Variants in SLC6A7 observed in about 807,000 individuals in gnomAD.
SLC6A7 encodes solute carrier family 6 member 7.
A neutral mutation model predicts 73.1 loss-of-function variants in SLC6A7; 58 were observed. The observed-to-expected ratio is 0.79, with a 90% CI of 0.64 to 0.99. SLC6A7 has a LOEUF of 0.99. Among genes scored for constraint, SLC6A7 ranks in the 50% least tolerant of loss-of-function variants. The probability of loss-of-function intolerance (pLI) is 0.00; values close to 1 mark genes in which losing one functional copy is unlikely to be tolerated. For synonymous variants in SLC6A7, 338 were observed against 338.7 expected, an observed-to-expected ratio of 1.00 and a Z score of 0.02; for missense variants, 783 against 831.4, an observed-to-expected ratio of 0.94 and a Z score of 0.72.
chr5:150,209,648 G>A lies in SLC6A7; in HGVS notation c.*33G>A, dbSNP rs201747986. 2.9e-4 allele frequency: 445 copies of A among 1,510,174 alleles called. 1 individual carries two copies. Among genetic ancestry groups the A allele is most frequent in the African/African-American group, 1.6e-3 (117 of 72,804 alleles). 93.5% of individuals were successfully genotyped at this position (1,510,174 alleles called of 1,614,324 possible). On this transcript the variant is annotated 3_prime_UTR_variant, in exon 14 of 14. Transcript: ENST00000230671. ...GGCAGGCGGGCAGAAGGCCCTGCCC[G>A]GGACCTCACAGTCCCTTCTTAGAAG...
intron 6 of SLC6A7, among the ~76,000 whole-genome samples, 178 bp from the exon 7 acceptor site, chr5:150,202,169 G>A (rs886672382): frequency 3.3e-5 from 5 of 152,186 alleles, no homozygotes; most frequent in Admixed American, 6.5e-5. Flanking sequence ...ATGTCCCACC[G>A]TGTAAATGTT....
At chr5:150,191,776 T>C (rs1752799205) in intron 1 of SLC6A7, among the ~76,000 whole-genome samples, 1 of 152,066 alleles carries the variant, frequency 6.6e-6, no homozygotes, top group Non-Finnish European at 1.5e-5. Context: ...TTGAGACCAT[T>C]TGTGAGTCTC....
At chr5:150,208,187 T>C (rs1345759873) in intron 13 of SLC6A7, among the ~76,000 whole-genome samples, 1 of 151,762 alleles carries the variant, frequency 6.6e-6, no homozygotes, top group Non-Finnish European at 1.5e-5. Flanking sequence ...TAAAGGTAAG[T>C]TCTGCACTTA....
At position 150,203,691 on chromosome 5, in the gene SLC6A7, A is replaced by G. The variant is rs760018212; in HGVS notation, c.1112A>G (p.Tyr371Cys). ...KAGPGLAFVV[Y>C]PQAMTMLPLS... ...GGCCCTGGCCTGGCCTTTGTCGTCT[A>G]CCCACAGGCCATGACCATGCTGCCT... is the stretch of plus-strand genomic sequence containing the variant. The change falls in exon 9 of 14, where the codon TAC becomes TGC. Residue 371 changes from tyrosine (Y) to cysteine (C), a missense_variant. Transcript: ENST00000230671. The G allele has an allele frequency of 6.2e-7, 1 of 1,610,436 alleles. No individual in the cohort carries two copies. The highest frequency in any genetic ancestry group is 8.5e-7 in the Non-Finnish European group (1 of 1,176,872).
chr5:150,199,669 A>G (rs140538310), intron 5 of SLC6A7, among the ~76,000 whole-genome samples: 301 of 152,294 alleles, frequency 2.0e-3, no homozygotes, highest in African/African-American at 7.0e-3. Context: ...GAACACTTAG[A>G]GTGTGAGTGC....
chr5:150,191,026 A>G (rs1019328309), intron 1 of SLC6A7, among the ~76,000 whole-genome samples: 5 of 151,946 alleles, frequency 3.3e-5, no homozygotes, highest in Non-Finnish European at 7.4e-5. Context: ...GCCTTGTGGG[A>G]TTGGACCTCT....
chr5:150,192,677 G>T (rs958530373), intron 1 of SLC6A7, among the ~76,000 whole-genome samples: 1 of 152,290 alleles, frequency 6.6e-6, no homozygotes, highest in East Asian at 1.9e-4. Context: ...CTCTGATTGG[G>T]GGAGGAGGGG....
At chr5:150,195,563 T>C (rs1010594716) in intron 2 of SLC6A7, among the ~76,000 whole-genome samples, 47 of 152,148 alleles carry the variant, frequency 3.1e-4, no homozygotes, top group Non-Finnish European at 7.3e-5. Flanking sequence ...ATGGATACGA[T>C]GAGGTAGCTG....
chr5:150,193,485 AC>A (rs561450140), intron 1 of SLC6A7, among the ~76,000 whole-genome samples: 2 of 151,418 alleles, frequency 1.3e-5, no homozygotes, highest in Non-Finnish European at 2.9e-5. Flanking sequence ...GTGGGGTTTG[AC>A]CCCCCCAGCC....
At chr5:150,207,672 G>A (rs930674472) in intron 13 of SLC6A7, among the ~76,000 whole-genome samples, 2 of 152,164 alleles carry the variant, frequency 1.3e-5, no homozygotes, top group African/African-American at 4.8e-5. Flanking sequence ...AAATCCCAAC[G>A]CCACCACTTC....
At chr5:150,204,782 T>C in intron 11 of SLC6A7, 45 bp from the exon 12 acceptor site, 1 of 1,458,044 alleles carries the variant, frequency 6.9e-7, no homozygotes, top group East Asian at 2.3e-5. Context: ...CTGGCGTTTG[T>C]GGGGCCGGCG....
At chr5:150,201,343 T>C in intron 6 of SLC6A7, 120 bp downstream of exon 6, 1 of 513,738 alleles carries the variant, frequency 1.9e-6, no homozygotes, top group Non-Finnish European at 3.2e-6. Flanking sequence ...GCGTCTTTTT[T>C]ATTTATTATT....
intron 10 of SLC6A7, 75 bp downstream of exon 10, chr5:150,204,113 C>G: frequency 1.4e-6 from 2 of 1,456,248 alleles, no homozygotes; most frequent in Non-Finnish European, 1.9e-6. Context: ...TCTGGCCCAG[C>G]TGAGCAGTTG....
At chr5:150,200,942 G>A in intron 5 of SLC6A7, 147 bp from the exon 6 acceptor site, 1 of 725,302 alleles carries the variant, frequency 1.4e-6, no homozygotes, top group Non-Finnish European at 2.3e-6. Flanking sequence ...GGTGTGTGAA[G>A]GGAGGAGGGA....
rs1024804078 is a variant in SLC6A7, at chr5:150,197,149, C to T, written c.457C>T (p.Pro153Ser). 2.5e-6 allele frequency: 4 copies of T among 1,613,968 alleles called. No individual in the cohort carries two copies. The Admixed American group carries it at 5.0e-5, about 20-fold the overall frequency. ...CTTCGCCTCCCTCACCAGCGACCTA[C>T]CCTGGGAGCACTGTGGCAACTGGTG... Reference protein sequence around the residue: ...YLFASLTSDLPWEHCGNWWNT... With the variant: ...YLFASLTSDLSWEHCGNWWNT... Residue 153 changes from proline (P) to serine (S), a missense_variant, in exon 4 of 14, where the codon CCC (proline) becomes TCC (serine). By Grantham distance (74) the Pro-to-Ser change is moderately conservative. Coordinates refer to ENST00000230671, the MANE Select transcript of SLC6A7 (RefSeq NM_014228.5).
chr5:150,208,172 A>T (rs926654558), intron 13 of SLC6A7, among the ~76,000 whole-genome samples: 1 of 150,862 alleles, frequency 6.6e-6, no homozygotes, highest in African/African-American at 2.4e-5. Context: ...CAATAAAGAA[A>T]TATGTAAAGG....
chr5:150,193,802 G>A (rs3776087), intron 1 of SLC6A7, among the ~76,000 whole-genome samples: 33,867 of 152,092 alleles, frequency 0.22, 4,620 homozygotes, highest in Admixed American at 0.34. Flanking sequence ...CTTAAAATAT[G>A]GTGCCCGGAA....
At chr5:150,197,832 C>T (rs1331294218) in intron 4 of SLC6A7, among the ~76,000 whole-genome samples, 1 of 152,046 alleles carries the variant, frequency 6.6e-6, no homozygotes, top group Non-Finnish European at 1.5e-5. Flanking sequence ...ATCTCAGACT[C>T]CTCTAATAGA....
At chr5:150,206,510 T>C (rs1031649033) in intron 13 of SLC6A7, among the ~76,000 whole-genome samples, 2 of 152,230 alleles carry the variant, frequency 1.3e-5, no homozygotes, top group Non-Finnish European at 2.9e-5. Context: ...CACAGTCTGC[T>C]TACCAGCACA....
Sources: allele counts gnomAD v4.1 joint callset (sites outside exome capture counted in the v4.1 genomes callset), GRCh38; gene constraint gnomAD v4.1.1; transcripts MANE v1.5; gene names NCBI Gene and HGNC (gene_info 2026-07-23, HGNC 2026-07-21).